SPC25: variants seen among roughly 807,000 people sequenced by gnomAD.
SPC25 encodes the protein kinetochore protein Spc25.
In SPC25, 22 loss-of-function variants were observed where a neutral mutation model predicts 29.6. The ratio of observed to expected loss-of-function variants is 0.74; its 90% CI spans 0.53 to 1.06. SPC25 has a LOEUF of 1.06. Ranked by LOEUF, SPC25 falls within the 50% of genes least tolerant of loss-of-function variation. SPC25 has a pLI of 0.00. For missense variants in SPC25, 230 were observed against 255.8 expected (o/e 0.90, Z 0.69); for synonymous variants, 91 against 90.4 (o/e 1.01, Z -0.04).
intron 3 of SPC25, among the ~76,000 whole-genome samples, 156 bp downstream of exon 3, chr2:168,889,070 C>CACATATATACATATATACATATAT (rs1559158797): frequency 3.2e-5 from 2 of 61,850 alleles, no homozygotes; most frequent in South Asian, 9.3e-4. Context: ...TATATATATA[C>CACATATATACATATATACATATAT]ACATATATAT....
At chr2:168,879,911 A>G (rs1353460171) in intron 3 of SPC25, among the ~76,000 whole-genome samples, 1 of 152,216 alleles carries the variant, frequency 6.6e-6, no homozygotes, top group Non-Finnish European at 1.5e-5. Flanking sequence ...GAGCAGAAAT[A>G]TTTTGAAAGC....
chr2:168,882,402 C>T (rs1237714599), intron 3 of SPC25, among the ~76,000 whole-genome samples: 6 of 152,170 alleles, frequency 3.9e-5, no homozygotes, highest in South Asian at 2.1e-4. Context: ...GTCAGGAGAT[C>T]GAGACCATCC....
At position 168,871,237 on chromosome 2, in the gene SPC25, A is replaced by C; in HGVS notation, c.*194T>G. 1.4e-5 allele frequency: 5 copies of C among 347,088 alleles called. No individual in the cohort carries two copies. The highest frequency in any genetic ancestry group is 1.0e-5 in the Non-Finnish European group (2 of 193,926). The allele number at this position is 347,088 out of a possible 1,614,324, so 21.5% of individuals were successfully genotyped here. A position where few individuals can be genotyped will look rare whatever the true frequency, so the allele number is the denominator to read the frequency against. On this transcript the variant is annotated 3_prime_UTR_variant, in exon 7 of 7. Transcript: ENST00000282074. ...TGGGGGAGGGGGGAGGGATAGCATT[A>C]GGAGATATACCTAATGAAATGACGA...
chr2:168,889,352 G>C (rs1198961326), intron 2 of SPC25, 35 bp downstream of exon 2: 1 of 1,613,442 alleles, frequency 6.2e-7, no homozygotes, highest in Non-Finnish European at 8.5e-7. Context: ...AACTAGAACA[G>C]CAAAACCAGC....
At position 168,889,507 on chromosome 2, in the gene SPC25, C is replaced by G. The variant is rs964833236; in HGVS notation, c.13G>C (p.Glu5Gln). The part of the protein sequence containing the change: MVED[E>Q]LALFDKSINE... ...ATGCTTTTATCGAAAAGTGCCAGTT[C>G]GTCCTCTACCATTATGTAGGACAAT... The change falls in exon 2 of 7, where the codon GAA (glutamate) becomes CAA (glutamine). Residue 5 changes from glutamate to glutamine, a missense_variant. Coordinates refer to ENST00000282074, the MANE Select transcript of SPC25 (RefSeq NM_020675.4). 6.2e-7 allele frequency: 1 copy of G among 1,613,452 alleles called. No homozygotes were observed. Among genetic ancestry groups the G allele is most frequent in the South Asian group, 1.1e-5 (1 of 91,016 alleles).
intron 4 of SPC25, among the ~76,000 whole-genome samples, chr2:168,865,744 C>CT (rs1375936801): frequency 6.6e-6 from 1 of 151,634 alleles, no homozygotes; most frequent in Non-Finnish European, 1.5e-5. Flanking sequence ...CCAAAATCTC[C>CT]TTAAGCTGAT....
At chr2:168,874,640 A>T (rs927583945) in intron 5 of SPC25, among the ~76,000 whole-genome samples, 6 of 152,136 alleles carry the variant, frequency 3.9e-5, no homozygotes, top group Admixed American at 2.0e-4. Flanking sequence ...GCTATGATTT[A>T]TTACAGCAAA....
At chr2:168,877,479 T>TA (rs1690108576) in intron 3 of SPC25, 95 bp from the exon 4 acceptor site, 1 of 1,402,018 alleles carries the variant, frequency 7.1e-7, no homozygotes, top group African/African-American at 1.5e-5. Flanking sequence ...TAAAGATTAA[T>TA]AAAGAATGTT....
rs955977915 is a variant in SPC25, at chr2:168,890,396, C to G, written c.-93G>C. On this transcript the variant is annotated 5_prime_UTR_variant, in exon 1 of 7. Transcript: ENST00000282074. ...CTCTAGCCAACAGCCGGACTCTAGG[C>G]TCAGCTCCCGCAGCCCCGCCAACTT... is the stretch of plus-strand genomic sequence containing the variant. The G allele has an allele frequency of 1.0e-6, 1 of 985,428 alleles. No homozygotes were observed. The highest frequency in any genetic ancestry group is 1.2e-6 in the Non-Finnish European group (1 of 830,008). The allele number at this position is 985,428 out of a possible 1,614,324, so 61.0% of individuals were successfully genotyped here.
rs1056473522 is a variant in SPC25, at chr2:168,878,889, C to T, written c.200-1505G>A. ...TCTATTCCAGATCACTGTGATAAAG[C>T]GAATATTGCCATAAAGCAAGTCACA... is the stretch of plus-strand genomic sequence containing the variant. On this transcript the variant is annotated intron_variant, in intron 3 of 6. Coordinates refer to ENST00000282074, the MANE Select transcript of SPC25 (RefSeq NM_020675.4). Among the ~76,000 whole-genome samples, 4 of 152,202 alleles carry T rather than the reference C, an allele frequency of 2.6e-5. No individual in the cohort carries two copies. The East Asian group carries it at 5.8e-4, about 22-fold the overall frequency.
intron 4 of SPC25, chr2:168,863,676 G>A (rs201979691): frequency 1.0e-6 from 1 of 958,230 alleles, no homozygotes; most frequent in Admixed American, 7.4e-5. Flanking sequence ...AGCTGTGAGT[G>A]AGTTAAACTT....
chr2:168,889,104 TAC>T (rs1276730839), intron 3 of SPC25, 120 bp downstream of exon 3: 41 of 550,776 alleles, frequency 7.4e-5, no homozygotes, highest in Middle Eastern at 1.1e-3. Flanking sequence ...CATATATATA[TAC>T]ACACACACAA....
chr2:168,886,745 T>G (rs1690273176), intron 3 of SPC25, among the ~76,000 whole-genome samples: 1 of 151,012 alleles, frequency 6.6e-6, no homozygotes, highest in Non-Finnish European at 1.5e-5. Flanking sequence ...GGTCTTGATC[T>G]CCTGACCTCG....
chr2:168,877,330 A>G lies in SPC25; in HGVS notation c.254T>C (p.Leu85Ser), dbSNP rs1690103878. 1 of 1,613,710 alleles carries G rather than the reference A, an allele frequency of 6.2e-7. No individual in the cohort carries two copies. The highest frequency in any genetic ancestry group is 1.3e-5 in the African/African-American group (1 of 74,898). Reference protein sequence around the residue: ...IQEKKDNLLKLIAEVKGKKQE... With the variant: ...IQEKKDNLLKSIAEVKGKKQE... ...CTTTTTGCCTTTTACTTCAGCAATCAATTTTAACAAGTTATCCTTTTTTTC... is the reference window on the plus strand; with the variant it reads ...CTTTTTGCCTTTTACTTCAGCAATCGATTTTAACAAGTTATCCTTTTTTTC... Residue 85 changes from leucine to serine, a missense_variant, in exon 4 of 7, where the codon TTG (leucine) becomes TCG (serine). Physicochemically the swap from Leu to Ser is moderately radical, Grantham distance 145. Transcript: ENST00000282074.
At chr2:168,861,973 C>A in intron 4 of SPC25, 2 of 1,614,118 alleles carry the variant, frequency 1.2e-6, no homozygotes, top group African/African-American at 1.3e-5. Context: ...CTGGTGCAGC[C>A]CAGCTCAGCA....
chr2:168,881,921 A>G (rs1690182738), intron 3 of SPC25, among the ~76,000 whole-genome samples: 1 of 152,234 alleles, frequency 6.6e-6, no homozygotes, highest in Non-Finnish European at 1.5e-5. Context: ...GTGCTTGAAC[A>G]ACATCTCTCA....
intron 3 of SPC25, among the ~76,000 whole-genome samples, chr2:168,879,095 A>C (rs765588418): frequency 6.6e-6 from 1 of 152,160 alleles, no homozygotes; most frequent in Non-Finnish European, 1.5e-5. Flanking sequence ...TTGCAGGGGG[A>C]GGGTCTTGCC....
At chr2:168,879,627 A>G (rs1690141540) in intron 3 of SPC25, among the ~76,000 whole-genome samples, 1 of 152,142 alleles carries the variant, frequency 6.6e-6, no homozygotes, top group Non-Finnish European at 1.5e-5. Flanking sequence ...GCTCTTGTTC[A>G]TGTTGATATT....
chr2:168,886,665 G>A lies in SPC25; in HGVS notation c.199+2561C>T, dbSNP rs1219078126. Among the ~76,000 whole-genome samples, 10 of 152,002 alleles carry A rather than the reference G, an allele frequency of 6.6e-5. No individual in the cohort carries two copies. The East Asian group carries it at 1.4e-3, about 21-fold the overall frequency. The stretch of plus-strand genomic sequence containing the variant: ...CTCCAGAGTAGCTGGGACCATAGGC[G>A]CCGGCCACCAGGCCCAGCTAATTTT... On this transcript the variant is annotated intron_variant, in intron 3 of 6. Transcript: ENST00000282074.
Sources: gnomAD v4.1 joint callset for allele counts (sites outside exome capture counted in the v4.1 genomes callset) on GRCh38, gnomAD v4.1.1 for gene constraint, MANE v1.5 for transcripts, NCBI Gene and HGNC (gene_info 2026-07-23, HGNC 2026-07-21) for gene names.